Variants in UBE2V2 observed in about 807,000 individuals in gnomAD.
The protein encoded by UBE2V2 is ubiquitin-conjugating enzyme E2 variant 2.
Under a neutral mutation model 17.2 loss-of-function variants are expected in UBE2V2, and 9 were observed. The observed-to-expected ratio is 0.52, with a 90% CI of 0.32 to 0.91. UBE2V2 has a LOEUF of 0.91. Among genes scored for constraint, UBE2V2 ranks in the 40% least tolerant of loss-of-function variants. The probability of loss-of-function intolerance (pLI) is 0.04; values close to 1 mark genes in which losing one functional copy is unlikely to be tolerated. For missense variants in UBE2V2, 133 were observed against 182.6 expected (o/e 0.73, Z 1.56); for synonymous variants, 61 against 57.5 (o/e 1.06, Z -0.28).
intron 2 of UBE2V2, among the ~76,000 whole-genome samples, chr8:48,045,210 A>T (rs2091490911): frequency 6.6e-6 from 1 of 152,222 alleles, no homozygotes; most frequent in African/African-American, 2.4e-5. Flanking sequence ...CTCAAGCTTC[A>T]CGCTGAGGCA....
upstream of UBE2V2, among the ~76,000 whole-genome samples, chr8:48,004,381 A>G (rs1022441034): frequency 5.9e-5 from 9 of 152,118 alleles, no homozygotes; most frequent in Non-Finnish European, 1.3e-4. Context: ...CTGCACTGGT[A>G]AGAAATTTCA....
chr8:48,009,897 T>C (rs45492298), intron 1 of UBE2V2, among the ~76,000 whole-genome samples: 4 of 152,200 alleles, frequency 2.6e-5, no homozygotes, highest in African/African-American at 7.2e-5. Context: ...TTTAGTGTTA[T>C]GACTTTACTG....
intron 1 of UBE2V2, 122 bp downstream of exon 1, chr8:48,008,592 CG>C: frequency 7.2e-7 from 1 of 1,393,966 alleles, no homozygotes; most frequent in South Asian, 1.4e-5. Context: ...TCGAATGCCG[CG>C]CTCTCCGCAG....
At chr8:48,032,726 C>G (rs879263320) in intron 1 of UBE2V2, among the ~76,000 whole-genome samples, 1 of 152,058 alleles carries the variant, frequency 6.6e-6, no homozygotes, top group Non-Finnish European at 1.5e-5. Context: ...GTCCCTGTCT[C>G]AAAACAAACA....
chr8:48,053,060 CA>C (rs909217659), intron 3 of UBE2V2, among the ~76,000 whole-genome samples: 3 of 152,120 alleles, frequency 2.0e-5, no homozygotes, highest in African/African-American at 7.2e-5. Flanking sequence ...GTGTGTGCCA[CA>C]ACACCTGGCT....
intron 1 of UBE2V2, among the ~76,000 whole-genome samples, chr8:48,016,809 CAG>C (rs1563849206): frequency 1.8e-5 from 2 of 108,954 alleles, no homozygotes; most frequent in African/African-American, 7.4e-5. Flanking sequence ...TTAATTGAGA[CAG>C]AGTCTCGCTC....
At chr8:48,022,735 C>T (rs948024116) in intron 1 of UBE2V2, among the ~76,000 whole-genome samples, 2 of 151,706 alleles carry the variant, frequency 1.3e-5, no homozygotes, top group African/African-American at 4.8e-5. Context: ...AAGTCTTTAT[C>T]CTTTGTTTCT....
chr8:48,017,923 T>C (rs917604949), intron 1 of UBE2V2, among the ~76,000 whole-genome samples: 39 of 150,998 alleles, frequency 2.6e-4, no homozygotes, highest in African/African-American at 9.5e-4. Flanking sequence ...CACGGCTCGC[T>C]GCAGCCTCAA....
At chr8:48,041,504 C>T (rs185533742) in intron 1 of UBE2V2, among the ~76,000 whole-genome samples, 1 of 152,186 alleles carries the variant, frequency 6.6e-6, no homozygotes, top group East Asian at 1.9e-4. Flanking sequence ...TCTTTCCTAA[C>T]TTACTGTATG....
intron 1 of UBE2V2, among the ~76,000 whole-genome samples, chr8:48,034,582 TTTAAC>T (rs1205759016): frequency 6.9e-6 from 1 of 144,702 alleles, no homozygotes. Flanking sequence ...CCCCTTTTTT[TTTAAC>T]TTATACACAA....
upstream of UBE2V2, among the ~76,000 whole-genome samples, chr8:48,005,292 G>A (rs1433118308): frequency 3.3e-5 from 5 of 152,036 alleles, no homozygotes. Context: ...TCTTGTGATA[G>A]TTTGCTGAGA....
At chr8:48,041,387 C>T (rs1223805890) in intron 1 of UBE2V2, among the ~76,000 whole-genome samples, 1 of 152,072 alleles carries the variant, frequency 6.6e-6, no homozygotes, top group Non-Finnish European at 1.5e-5. Flanking sequence ...GAGGCTGAGG[C>T]AGGAGAATAG....
At chr8:48,016,536 G>C (rs928212682) in intron 1 of UBE2V2, among the ~76,000 whole-genome samples, 2 of 151,804 alleles carry the variant, frequency 1.3e-5, no homozygotes, top group Admixed American at 6.6e-5. Flanking sequence ...AGGCTGGAGT[G>C]CAATGGCATG....
chr8:48,046,124 T>G (rs933147887), intron 2 of UBE2V2, among the ~76,000 whole-genome samples: 5 of 152,040 alleles, frequency 3.3e-5, no homozygotes, highest in Non-Finnish European at 2.9e-5. Flanking sequence ...TTTTGTATTT[T>G]TATTTTTTTT....
the UBE2V2 span, among the ~76,000 whole-genome samples, chr8:47,999,359 C>G: frequency 3.6e-4 from 54 of 151,946 alleles, no homozygotes; most frequent in Admixed American, 2.4e-3. Context: ...AATTAGACTT[C>G]CCCTTTTTTT....
At chr8:48,042,347 CAT>C (rs1318491946) in intron 1 of UBE2V2, 7 of 152,104 alleles carry the variant, frequency 4.6e-5, no homozygotes, top group Non-Finnish European at 8.8e-5. Context: ...TTAAGAAACT[CAT>C]ATAAAATGAT....
chr8:48,050,611 G>A (rs1448131580), intron 3 of UBE2V2: 2 of 151,682 alleles, frequency 1.3e-5, no homozygotes, highest in Admixed American at 6.6e-5. Flanking sequence ...ACCATTATTG[G>A]GCGGGGCATG....
chr8:47,998,722 G>T, the UBE2V2 span, among the ~76,000 whole-genome samples: 1 of 151,670 alleles, frequency 6.6e-6, no homozygotes, highest in African/African-American at 2.4e-5. Context: ...GAGACAGAGA[G>T]CGAGAGCCGG....
At chr8:48,043,554 T>A (rs145361672) in intron 2 of UBE2V2, 243 of 154,788 alleles carry the variant, frequency 1.6e-3, no homozygotes, top group Non-Finnish European at 2.7e-3. Flanking sequence ...GAATGATCCC[T>A]AAAGGACTGA....
Sources: gnomAD v4.1 joint callset for allele counts (sites outside exome capture counted in the v4.1 genomes callset) on GRCh38, gnomAD v4.1.1 for gene constraint, MANE v1.5 for transcripts, NCBI Gene and HGNC (gene_info 2026-07-23, HGNC 2026-07-21) for gene names.